BPTF: variants seen among roughly 807,000 people sequenced by gnomAD.
BPTF encodes the protein nucleosome-remodeling factor subunit BPTF.
In BPTF, 18 loss-of-function variants were observed where a neutral mutation model predicts 292.5. The observed-to-expected ratio is 0.06, with a 90% confidence interval of 0.04 to 0.09. The LOEUF is 0.09. Ranked by LOEUF, BPTF falls within the 10% of genes least tolerant of loss-of-function variation. The pLI, the probability that BPTF is intolerant of heterozygous loss-of-function variation, is 1.00. For missense variants in BPTF, 2,726 were observed against 3,498.7 expected (o/e 0.78, Z 5.57); for synonymous variants, 1,225 against 1,251.9 (o/e 0.98, Z 0.45).
chr17:67,830,469 A>G (rs1218114904), intron 1 of BPTF, among the ~76,000 whole-genome samples: 2 of 152,252 alleles, frequency 1.3e-5, no homozygotes, highest in Non-Finnish European at 2.9e-5. Context: ...ATCAGTGTCA[A>G]TATCTTTTCA....
intron 14 of BPTF, among the ~76,000 whole-genome samples, chr17:67,923,640 C>A (rs948355141): frequency 6.6e-6 from 1 of 150,400 alleles, no homozygotes; most frequent in East Asian, 2.0e-4. Context: ...CCACCATGCC[C>A]GGCTGATTTT....
intron 4 of BPTF, among the ~76,000 whole-genome samples, chr17:67,887,225 T>C (rs571853054): frequency 6.6e-5 from 10 of 152,252 alleles, no homozygotes; most frequent in Non-Finnish European, 1.0e-4. Flanking sequence ...TTAAGTTTCT[T>C]ACATGTATTT....
Position 67,875,447 on chromosome 17 carries a change from A to G in BPTF, c.1864+427A>G. ...TCTACTTGCTTTAAAATGGCCGTTC[A>G]ATGGAAGCAGGTTTTTTGTGATTAT... On this transcript the variant is annotated intron_variant, in intron 4 of 27. Transcript: ENST00000306378. 3.9e-6 allele frequency: 3 copies of G among 770,548 alleles called. No individual in the cohort carries two copies. In the South Asian group the frequency reaches 1.1e-4, roughly 29 times the overall value. The allele number at this position is 770,548 out of a possible 1,614,324, so 47.7% of individuals were successfully genotyped here.
At chr17:67,849,211 C>T (rs2058237165) in intron 1 of BPTF, among the ~76,000 whole-genome samples, 1 of 152,112 alleles carries the variant, frequency 6.6e-6, no homozygotes, top group Non-Finnish European at 1.5e-5. Context: ...TGAGCTTCAC[C>T]TGGGGTTCTG....
Position 67,928,499 on chromosome 17 carries a change from C to T in BPTF, c.5896C>T (p.Leu1966=), listed in dbSNP as rs140208584. 2.6e-5 allele frequency: 42 copies of T among 1,614,042 alleles called. No individual in the cohort carries two copies. Among genetic ancestry groups the T allele is most frequent in the South Asian group, 6.6e-5 (6 of 91,090 alleles). ...AGTTACAACTGGAACCAAAATGGTA[C>T]TAACTACTAAAGTTGGATCTCCAGC... ...GSVTTGTKMV[L]TTKVGSPATV... is the part of the protein sequence containing the mutation. The change falls in exon 16 of 28, where the codon CTA becomes TTA. Residue 1966 remains leucine (L), a synonymous_variant. Transcript: ENST00000306378.
Position 67,929,205 on chromosome 17 carries a change from C to T in BPTF, c.5999-131C>T, listed in dbSNP as rs1598730568. ...TCATCTCCTTTTCACTGATTTCAGT[C>T]CTCGGATCTCACATTCTATGTAGCC... On this transcript the variant is annotated intron_variant, in intron 16 of 27. Transcript: ENST00000306378. 12 of 1,434,888 alleles carry T rather than the reference C, an allele frequency of 8.4e-6. No individual in the cohort carries two copies. In the East Asian group the frequency reaches 1.5e-4, roughly 17 times the overall value. 88.9% of individuals were successfully genotyped at this position (1,434,888 alleles called of 1,614,324 possible).
chr17:67,885,609 C>A (rs2060702630), intron 4 of BPTF, among the ~76,000 whole-genome samples: 1 of 152,080 alleles, frequency 6.6e-6, no homozygotes, highest in Non-Finnish European at 1.5e-5. Flanking sequence ...TTAACAATCG[C>A]ATTTAGGCAT....
At position 67,918,612 on chromosome 17, in the gene BPTF, G is replaced by C; in HGVS notation, c.5304-102G>C. On this transcript the variant is annotated intron_variant, in intron 11 of 27. Transcript: ENST00000306378. ...ATTATAAATACTGGAGTCCTAATGA[G>C]GACAAGAAACACAGCCCTTCAGTTT... 3 of 1,126,730 alleles carry C rather than the reference G, an allele frequency of 2.7e-6. No individual in the cohort carries two copies. The African/African-American group carries it at 4.7e-5, about 18-fold the overall frequency. 69.8% of individuals were successfully genotyped at this position (1,126,730 alleles called of 1,614,324 possible). A position where few individuals can be genotyped will look rare whatever the true frequency, so the allele number is the denominator to read the frequency against.
rs2068658225 is a variant in BPTF, at chr17:67,970,604, A to G, written c.8539+3948A>G. 5.3e-5 allele frequency among the ~76,000 whole-genome samples: 8 copies of G among 152,198 alleles called. No individual in the cohort carries two copies. The South Asian group carries it at 1.7e-3, about 31-fold the overall frequency. On this transcript the variant is annotated intron_variant, in intron 26 of 27. Transcript: ENST00000306378. ...CCTAAATGTGTTTAGAAATGCATAG[A>G]AAATGTCTGGAACAATATAGACTAA...
chr17:67,924,625 C>G (rs1379701554), intron 15 of BPTF, 36 bp downstream of exon 15: 1 of 1,598,652 alleles, frequency 6.3e-7, no homozygotes, highest in East Asian at 2.2e-5. Context: ...ACATCAAGGC[C>G]CAAATGGAGG....
intron 23 of BPTF, among the ~76,000 whole-genome samples, chr17:67,954,216 A>T (rs1555679922): frequency 6.7e-6 from 1 of 150,126 alleles, no homozygotes; most frequent in Admixed American, 6.6e-5. Context: ...TTTTGTAGAG[A>T]CAAGTTTTTG....
intron 14 of BPTF, among the ~76,000 whole-genome samples, chr17:67,923,616 A>G (rs563249619): frequency 3.0e-4 from 45 of 148,354 alleles, no homozygotes; most frequent in African/African-American, 1.0e-3. Flanking sequence ...AGTAGCTGGG[A>G]TTACGGGGGT....
chr17:67,980,103 G>C (rs2070158522), intron 27 of BPTF, among the ~76,000 whole-genome samples: 1 of 151,976 alleles, frequency 6.6e-6, no homozygotes, highest in Non-Finnish European at 1.5e-5. Flanking sequence ...CTAACACTGT[G>C]GGAGGCTGAG....
intron 25 of BPTF, 105 bp downstream of exon 25, chr17:67,964,509 A>G: frequency 1.5e-6 from 2 of 1,324,376 alleles, no homozygotes; most frequent in South Asian, 3.0e-5. Context: ...TTATTTACTG[A>G]CTCCCAGCTA....
intron 1 of BPTF, among the ~76,000 whole-genome samples, chr17:67,844,127 C>T (rs111364363): frequency 0.017 from 2,243 of 131,612 alleles, 80 homozygotes; most frequent in African/African-American, 0.061. Flanking sequence ...TCACCCAGGC[C>T]GGAGTGCAGT....
chr17:67,864,485 G>A (rs564931269), intron 2 of BPTF, among the ~76,000 whole-genome samples: 50 of 142,230 alleles, frequency 3.5e-4, no homozygotes, highest in South Asian at 3.3e-3. Flanking sequence ...CCAAGATTGC[G>A]CCACTGCACT....
At chr17:67,872,604 G>A (rs2059810303) in intron 3 of BPTF, among the ~76,000 whole-genome samples, 1 of 152,030 alleles carries the variant, frequency 6.6e-6, no homozygotes, top group South Asian at 2.1e-4. Context: ...TACTTGGGAG[G>A]CTGAGGTGTG....
chr17:67,919,402 A>G (rs556442528), intron 12 of BPTF, among the ~76,000 whole-genome samples: 1 of 151,900 alleles, frequency 6.6e-6, no homozygotes, highest in South Asian at 2.1e-4. Context: ...AAAAAAATCA[A>G]CTAGGCCTTG....
Position 67,928,345 on chromosome 17 carries a change from A to G in BPTF, c.5752-10A>G. 2 of 1,594,564 alleles carry G rather than the reference A, an allele frequency of 1.3e-6. No individual in the cohort carries two copies. The highest frequency in any genetic ancestry group is 1.7e-6 in the Non-Finnish European group (2 of 1,171,488). On this transcript the variant is annotated splice_polypyrimidine_tract_variant and intron_variant, in intron 15 of 27. Coordinates refer to ENST00000306378, the MANE Select transcript of BPTF (RefSeq NM_182641.4). Reference sequence around the variant, plus strand: ...TTTTGATTCATGTTTCCTCTCCTTCACTTTTTTAGAAACGACTGGAGCAGC... The same window carrying G: ...TTTTGATTCATGTTTCCTCTCCTTCGCTTTTTTAGAAACGACTGGAGCAGC...
Sources: gnomAD v4.1 joint callset for allele counts (sites outside exome capture counted in the v4.1 genomes callset) on GRCh38, gnomAD v4.1.1 for gene constraint, MANE v1.5 for transcripts, NCBI Gene and HGNC (gene_info 2026-07-23, HGNC 2026-07-21) for gene names.